NKAIN3: variants seen among roughly 807,000 people sequenced by gnomAD.
NKAIN3 encodes the protein sodium/potassium-transporting ATPase subunit beta-1-interacting protein 3.
A neutral mutation model predicts 30.2 loss-of-function variants in NKAIN3; 25 were observed. The observed-to-expected ratio is 0.83, with a 90% CI of 0.60 to 1.16. NKAIN3 has a LOEUF of 1.16. NKAIN3 is among the 50% of genes most tolerant of loss of function. The pLI is 0.00. For synonymous variants in NKAIN3, 91 were observed against 89.6 expected, an observed-to-expected ratio of 1.02 and a Z score of -0.09; for missense variants, 225 against 254.1, an observed-to-expected ratio of 0.89 and a Z score of 0.78.
At chr8:62,330,842 G>A (rs1180755453) in intron 1 of NKAIN3, among the ~76,000 whole-genome samples, 1 of 151,676 alleles carries the variant, frequency 6.6e-6, no homozygotes. Flanking sequence ...TGAATTCTCT[G>A]TATCCCTACC....
At chr8:62,733,239 G>T (rs1461473268) in intron 3 of NKAIN3, among the ~76,000 whole-genome samples, 2 of 151,870 alleles carry the variant, frequency 1.3e-5, no homozygotes. Context: ...ATTCCACCCT[G>T]TTTTTGCCTC....
At chr8:62,954,988 A>C (rs1351687766) in intron 6 of NKAIN3, among the ~76,000 whole-genome samples, 1 of 152,102 alleles carries the variant, frequency 6.6e-6, no homozygotes, top group African/African-American at 2.4e-5. Flanking sequence ...AAATTATGTA[A>C]AATAGTCGCT....
At chr8:62,445,706 G>A (rs16928931) in intron 1 of NKAIN3, among the ~76,000 whole-genome samples, 20,848 of 152,032 alleles carry the variant, frequency 0.14, 1,728 homozygotes, top group East Asian at 0.4. Context: ...CTCACTCCTT[G>A]TTCTCCTCTC....
At chr8:62,707,197 A>G in intron 3 of NKAIN3, among the ~76,000 whole-genome samples, 1 of 151,940 alleles carries the variant, frequency 6.6e-6, no homozygotes, top group East Asian at 1.9e-4. Context: ...AGGTGTGTGC[A>G]AGTATCTTTT....
intron 1 of NKAIN3, among the ~76,000 whole-genome samples, chr8:62,519,780 GCTTT>G (rs1409623119): frequency 2.0e-5 from 3 of 152,080 alleles, no homozygotes; most frequent in Non-Finnish European, 4.4e-5. Context: ...ATTCAAAATA[GCTTT>G]CTAAGTTTTC....
At chr8:62,316,480 C>T (rs1814633318) in intron 1 of NKAIN3, among the ~76,000 whole-genome samples, 1 of 151,852 alleles carries the variant, frequency 6.6e-6, no homozygotes, top group Non-Finnish European at 1.5e-5. Flanking sequence ...TTCCTGTGTC[C>T]ATGTGTTCTC....
At chr8:62,462,621 T>G (rs1191049623) in intron 1 of NKAIN3, among the ~76,000 whole-genome samples, 1 of 152,162 alleles carries the variant, frequency 6.6e-6, no homozygotes, top group Non-Finnish European at 1.5e-5. Context: ...TTTTTGCCTG[T>G]ATGTTGCCTG....
At chr8:62,315,083 G>A (rs544610345) in intron 1 of NKAIN3, among the ~76,000 whole-genome samples, 26 of 152,268 alleles carry the variant, frequency 1.7e-4, no homozygotes, top group African/African-American at 6.3e-4. Flanking sequence ...TTAAGACAGA[G>A]CCATCACGCA....
chr8:62,393,732 A>T (rs1817642678), intron 1 of NKAIN3, among the ~76,000 whole-genome samples: 1 of 152,086 alleles, frequency 6.6e-6, no homozygotes, highest in Non-Finnish European at 1.5e-5. Flanking sequence ...TTAATAAAAA[A>T]GTATATATTT....
chr8:62,507,559 A>C (rs117756718), intron 1 of NKAIN3, among the ~76,000 whole-genome samples: 2 of 152,180 alleles, frequency 1.3e-5, no homozygotes, highest in Admixed American at 6.5e-5. Context: ...GCCAAATGCT[A>C]TACCTTTCCA....
intron 1 of NKAIN3, among the ~76,000 whole-genome samples, chr8:62,452,892 G>A (rs940807614): frequency 7.9e-5 from 12 of 152,218 alleles, no homozygotes; most frequent in African/African-American, 2.9e-4. Context: ...GCTTTCATTA[G>A]TATTTGGCAG....
chr8:62,387,451 C>G (rs1334080677), intron 1 of NKAIN3, among the ~76,000 whole-genome samples: 1 of 152,164 alleles, frequency 6.6e-6, no homozygotes, highest in Non-Finnish European at 1.5e-5. Flanking sequence ...CACCCATCCA[C>G]ATTGAACGGC....
At chr8:62,844,388 A>G (rs774785665) in intron 4 of NKAIN3, among the ~76,000 whole-genome samples, 3 of 152,188 alleles carry the variant, frequency 2.0e-5, no homozygotes, top group Non-Finnish European at 2.9e-5. Context: ...CAAAAAGGAC[A>G]ATTTATTTCC....
At position 62,963,021 on chromosome 8, in the gene NKAIN3, A is replaced by T. The variant is rs1823614177; in HGVS notation, c.604-2333A>T. On this transcript the variant is annotated intron_variant, in intron 6 of 6. Transcript: ENST00000623646. ...ATTCTCCTGCCTCAGCCTCCCTAGT[A>T]GCTGGGATTACAGGTGCCTGCTACC... 2.0e-5 allele frequency among the ~76,000 whole-genome samples: 3 copies of T among 151,898 alleles called. No homozygotes were observed. The South Asian group carries it at 6.2e-4, about 32-fold the overall frequency.
At chr8:62,515,410 C>T (rs575815048) in intron 1 of NKAIN3, among the ~76,000 whole-genome samples, 1 of 152,192 alleles carries the variant, frequency 6.6e-6, no homozygotes, top group Non-Finnish European at 1.5e-5. Context: ...TCCTAAATTG[C>T]CTCTATCTCT....
chr8:62,984,927 T>A (rs1824172890), downstream of NKAIN3: 1 of 152,188 alleles, frequency 6.6e-6, no homozygotes, highest in Non-Finnish European at 1.5e-5. Context: ...TTTTAATACA[T>A]TTTCTCACTA....
intron 1 of NKAIN3, among the ~76,000 whole-genome samples, chr8:62,454,680 T>C (rs1417292766): frequency 3.3e-5 from 5 of 152,186 alleles, no homozygotes; most frequent in Admixed American, 3.3e-4. Context: ...TTAAGTGTAA[T>C]GATTAAAGAG....
At chr8:62,282,923 G>T (rs961784019) in intron 1 of NKAIN3, among the ~76,000 whole-genome samples, 1 of 152,020 alleles carries the variant, frequency 6.6e-6, no homozygotes, top group African/African-American at 2.4e-5. Context: ...CACTAGATGC[G>T]CATTATAGTC....
At chr8:62,528,300 T>A (rs1375465895) in intron 1 of NKAIN3, among the ~76,000 whole-genome samples, 1 of 107,140 alleles carries the variant, frequency 9.3e-6, no homozygotes, top group Admixed American at 9.7e-5. Context: ...TATATATATA[T>A]TATATTATAT....
Sources: allele counts gnomAD v4.1 joint callset (sites outside exome capture counted in the v4.1 genomes callset), GRCh38; gene constraint gnomAD v4.1.1; transcripts MANE v1.5; gene names NCBI Gene and HGNC (gene_info 2026-07-23, HGNC 2026-07-21).